The following FMNL2 variants were observed in gnomAD, a reference collection of about 807,000 sequenced individuals.
FMNL2 encodes formin like 2, also known as formin-like protein 2.
A neutral mutation model predicts 130.2 loss-of-function variants in FMNL2; 51 were observed. The observed-to-expected ratio is 0.39, with a 90% CI of 0.31 to 0.49. The LOEUF (loss-of-function observed/expected upper bound fraction) is 0.49. Among genes scored for constraint, FMNL2 ranks in the 20% least tolerant of loss-of-function variants. The probability of loss-of-function intolerance (pLI) is 0.85; values close to 1 mark genes in which losing one functional copy is unlikely to be tolerated. For missense variants in FMNL2, 977 were observed against 1,316.2 expected, an observed-to-expected ratio of 0.74 and a Z score of 3.99; for synonymous variants, 465 against 467.1, an observed-to-expected ratio of 1.00 and a Z score of 0.06.
chr2:152,531,632 C>T (rs1395336055), intron 2 of FMNL2, among the ~76,000 whole-genome samples: 2 of 151,970 alleles, frequency 1.3e-5, no homozygotes, highest in Admixed American at 6.6e-5. Flanking sequence ...CCTGACACCA[C>T]GCCCAGCTAA....
chr2:152,540,635 G>C (rs1373052059), intron 2 of FMNL2, among the ~76,000 whole-genome samples: 1 of 138,326 alleles, frequency 7.2e-6, no homozygotes, highest in Non-Finnish European at 1.5e-5. Context: ...GGTGGGAATT[G>C]AACAATGAGA....
chr2:152,404,991 G>C (rs1226052231), intron 1 of FMNL2, among the ~76,000 whole-genome samples: 1 of 152,166 alleles, frequency 6.6e-6, no homozygotes, highest in East Asian at 1.9e-4. Flanking sequence ...GTTCTTACCA[G>C]TCTTTGTTAA....
intron 9 of FMNL2, among the ~76,000 whole-genome samples, chr2:152,590,562 C>T (rs948086619): frequency 6.6e-6 from 1 of 151,698 alleles, no homozygotes; most frequent in East Asian, 1.9e-4. Context: ...TGCAGTGAGT[C>T]GAGATCGCAC....
At chr2:152,337,205 C>G (rs1681522377) in intron 1 of FMNL2, among the ~76,000 whole-genome samples, 1 of 152,164 alleles carries the variant, frequency 6.6e-6, no homozygotes, top group African/African-American at 2.4e-5. Context: ...AGATGGGACA[C>G]TGAAATGAAA....
At chr2:152,510,881 C>G (rs909078035) in intron 1 of FMNL2, among the ~76,000 whole-genome samples, 2 of 152,140 alleles carry the variant, frequency 1.3e-5, no homozygotes, top group Admixed American at 6.5e-5. Flanking sequence ...CTGATAAACA[C>G]GTGTTGTGGT....
chr2:152,376,430 C>T (rs1027152485), intron 1 of FMNL2, among the ~76,000 whole-genome samples: 2 of 152,182 alleles, frequency 1.3e-5, no homozygotes, highest in East Asian at 1.9e-4. Context: ...ACCTATAATA[C>T]TCTTGGAGGA....
intron 1 of FMNL2, among the ~76,000 whole-genome samples, chr2:152,490,568 A>ATTGTGT (rs1208283542): frequency 2.8e-5 from 1 of 35,368 alleles, no homozygotes; most frequent in Admixed American, 3.1e-4. Flanking sequence ...TTTGCTATCC[A>ATTGTGT]ATGTGTGTGT....
At chr2:152,439,547 CTTTT>C (rs910879962) in intron 1 of FMNL2, among the ~76,000 whole-genome samples, 2 of 152,036 alleles carry the variant, frequency 1.3e-5, no homozygotes, top group African/African-American at 4.8e-5. Flanking sequence ...AAGTCACCAT[CTTTT>C]TTCTGAACCT....
intron 1 of FMNL2, among the ~76,000 whole-genome samples, chr2:152,388,788 A>C (rs1342122104): frequency 6.6e-6 from 1 of 152,228 alleles, no homozygotes; most frequent in Non-Finnish European, 1.5e-5. Flanking sequence ...TCTTTTTAAG[A>C]GAAATTCATC....
chr2:152,430,193 C>T (rs138443780), intron 1 of FMNL2, among the ~76,000 whole-genome samples: 41 of 152,226 alleles, frequency 2.7e-4, no homozygotes, highest in African/African-American at 8.9e-4. Context: ...AAGTGGTTTT[C>T]ATTTTCTATG....
intron 1 of FMNL2, among the ~76,000 whole-genome samples, chr2:152,363,218 C>T (rs1683281273): frequency 6.6e-6 from 1 of 152,074 alleles, no homozygotes; most frequent in African/African-American, 2.4e-5. Context: ...GTTGTCCCCC[C>T]AAAACAAAAA....
chr2:152,466,255 G>A (rs1374763067), intron 1 of FMNL2, among the ~76,000 whole-genome samples: 1 of 152,234 alleles, frequency 6.6e-6, no homozygotes, highest in Non-Finnish European at 1.5e-5. Flanking sequence ...CGCTGCGGGG[G>A]AGGACATGCC....
intron 1 of FMNL2, among the ~76,000 whole-genome samples, chr2:152,351,208 A>G (rs1682463318): frequency 6.6e-6 from 1 of 152,178 alleles, no homozygotes; most frequent in South Asian, 2.1e-4. Context: ...TTTAAATTTT[A>G]CTTTAAGTTC....
intron 10 of FMNL2, chr2:152,607,626 G>A: frequency 2.3e-6 from 1 of 437,768 alleles, no homozygotes; most frequent in Non-Finnish European, 4.1e-6. Context: ...ACACGGTATA[G>A]TAAAGACAAA....
At chr2:152,523,977 G>A (rs1324365119) in intron 2 of FMNL2, among the ~76,000 whole-genome samples, 1 of 152,200 alleles carries the variant, frequency 6.6e-6, no homozygotes, top group East Asian at 1.9e-4. Flanking sequence ...GGAAAAAGCA[G>A]TTGAAAGAGG....
chr2:152,373,941 G>A (rs546807163), intron 1 of FMNL2, among the ~76,000 whole-genome samples: 2 of 152,130 alleles, frequency 1.3e-5, no homozygotes, highest in South Asian at 4.2e-4. Context: ...GAAGAGGCTA[G>A]GAGGTGTTCT....
At chr2:152,644,655 G>A (rs180755813) in intron 25 of FMNL2, among the ~76,000 whole-genome samples, 3 of 152,272 alleles carry the variant, frequency 2.0e-5, no homozygotes, top group African/African-American at 7.2e-5. Context: ...AAAGGCTTAG[G>A]TCCTCCCACT....
At chr2:152,622,309 G>A (rs1681396280) in intron 15 of FMNL2, among the ~76,000 whole-genome samples, 1 of 152,268 alleles carries the variant, frequency 6.6e-6, no homozygotes, top group African/African-American at 2.4e-5. Flanking sequence ...CCACTACGAT[G>A]AAATAATTTT....
At position 152,364,261 on chromosome 2, in the gene FMNL2, G is replaced by GTT. The variant is rs869062341; in HGVS notation, c.117+28571_117+28572dup. ...TTCACATCCGTTAGGAGGTTTGTGTGTTTTTTTTTTTTTTTTTTTTTTTTT... is the reference window on the plus strand; with the variant it reads ...TTCACATCCGTTAGGAGGTTTGTGTGTTTTTTTTTTTTTTTTTTTTTTTTTTT... On this transcript the variant is annotated intron_variant, in intron 1 of 25. Transcript: ENST00000288670. Among the ~76,000 whole-genome samples, 84 of 24,444 alleles carry GTT rather than the reference G, an allele frequency of 3.4e-3. 3 individuals carry two copies. Among genetic ancestry groups the GTT allele is most frequent in the African/African-American group, 8.0e-3 (63 of 7,836 alleles). 16.0% of individuals were successfully genotyped at this position (24,444 alleles called of 152,430 possible).
Sources: allele counts gnomAD v4.1 joint callset (sites outside exome capture counted in the v4.1 genomes callset), GRCh38; gene constraint gnomAD v4.1.1; transcripts MANE v1.5; gene names NCBI Gene and HGNC (gene_info 2026-07-23, HGNC 2026-07-21).